The following CCDC27 variants were observed in gnomAD, a reference collection of about 807,000 sequenced individuals.
The protein encoded by CCDC27 is coiled-coil domain containing 27, also known as coiled-coil domain-containing protein 27.
A neutral mutation model predicts 80.3 loss-of-function variants in CCDC27; 80 were observed. The ratio of observed to expected loss-of-function variants is 1.00; its 90% CI spans 0.83 to 1.20. The LOEUF is 1.20. CCDC27 is among the 50% of genes most tolerant of loss of function. The probability of loss-of-function intolerance (pLI) is 0.00; values close to 1 mark genes in which losing one functional copy is unlikely to be tolerated. For missense variants in CCDC27, 815 were observed against 809.4 expected (o/e 1.01, Z -0.08); for synonymous variants, 342 against 334.3 (o/e 1.02, Z -0.25).
At chr1:3,758,227 G>A (rs937352858) in intron 4 of CCDC27, among the ~76,000 whole-genome samples, 1 of 152,090 alleles carries the variant, frequency 6.6e-6, no homozygotes, top group East Asian at 1.9e-4. Context: ...GTCTCTCTCT[G>A]TTGCCAGGCT....
chr1:3,754,096 CTT>C lies in CCDC27; in HGVS notation c.319-21_319-20del. On this transcript the variant is annotated intron_variant, in intron 1 of 11. Transcript: ENST00000294600. ...ACAGTCAGGGGCCTTCCTTGTCTGT[CTT>C]ACTTTCCCCGCTCTGCCAGAGTGAA... 6.2e-7 allele frequency: 1 copy of C among 1,610,618 alleles called. No homozygotes were observed. Among genetic ancestry groups the C allele is most frequent in the Non-Finnish European group, 8.5e-7 (1 of 1,178,264 alleles).
intron 1 of CCDC27, among the ~76,000 whole-genome samples, chr1:3,753,803 G>A (rs182300216): frequency 3.9e-5 from 6 of 152,218 alleles, no homozygotes; most frequent in Middle Eastern, 3.4e-3. Flanking sequence ...GGGTGGGGTC[G>A]GGGGGCCTGT....
intron 8 of CCDC27, among the ~76,000 whole-genome samples, chr1:3,765,419 T>C (rs1480418299): frequency 2.0e-5 from 3 of 152,216 alleles, no homozygotes; most frequent in African/African-American, 7.2e-5. Flanking sequence ...TTATTGTTTT[T>C]TTATGGCCTT....
chr1:3,770,759 GGA>G (rs766532458), intron 11 of CCDC27, among the ~76,000 whole-genome samples: 1 of 152,202 alleles, frequency 6.6e-6, no homozygotes, highest in Non-Finnish European at 1.5e-5. Flanking sequence ...GCTGTAATGT[GGA>G]GAGAGGTCTC....
chr1:3,763,073 A>T lies in CCDC27; in HGVS notation c.955-35A>T. On this transcript the variant is annotated intron_variant, in intron 6 of 11. Transcript: ENST00000294600. This position sits in a 1 kb window ranked among gnomAD's most constrained non-coding sequence, Gnocchi z 7.5. ...GCCCTCTGCCCTGGGGGTGCCCCGCAGCCCTGCCCAGCCCCTGCCCTACCC... is the reference window on the plus strand; with the variant it reads ...GCCCTCTGCCCTGGGGGTGCCCCGCTGCCCTGCCCAGCCCCTGCCCTACCC... 6.9e-7 allele frequency: 1 copy of T among 1,454,528 alleles called. No individual in the cohort carries two copies. Among genetic ancestry groups the T allele is most frequent in the Non-Finnish European group, 9.1e-7 (1 of 1,102,106 alleles). The allele number at this position is 1,454,528 out of a possible 1,614,324, so 90.1% of individuals were successfully genotyped here.
intron 4 of CCDC27, among the ~76,000 whole-genome samples, chr1:3,757,633 G>T (rs564756373): frequency 2.0e-5 from 3 of 152,136 alleles, no homozygotes; most frequent in South Asian, 2.1e-4. Flanking sequence ...TAGAAATGGG[G>T]TTTCCCCGGC....
At chr1:3,755,693 C>T in intron 3 of CCDC27, 126 bp downstream of exon 3, 1 of 807,090 alleles carries the variant, frequency 1.2e-6, no homozygotes, top group East Asian at 2.5e-5. Flanking sequence ...CCTGAGGACT[C>T]ACACAGAAAG....
chr1:3,759,078 G>A (rs1044603522), intron 4 of CCDC27, among the ~76,000 whole-genome samples: 3 of 151,850 alleles, frequency 2.0e-5, no homozygotes, highest in Non-Finnish European at 4.4e-5. Context: ...ATAGCTGGAC[G>A]TGGTGGCAGG....
intron 11 of CCDC27, among the ~76,000 whole-genome samples, chr1:3,770,168 C>T (rs115253882): frequency 0.012 from 1,864 of 152,292 alleles, 13 homozygotes; most frequent in Middle Eastern, 0.037. Context: ...CCATCCTGAG[C>T]GCTGTGGAGA....
In CCDC27 at chr1:3,761,880, T is replaced by C. The variant is rs1233791001; in HGVS notation, c.861+450T>C. Among the ~76,000 whole-genome samples the C allele has an allele frequency of 6.6e-6, 1 of 151,952 alleles. No individual in the cohort carries two copies. The highest frequency in any genetic ancestry group is 1.5e-5 in the Non-Finnish European group (1 of 67,984). On this transcript the variant is annotated intron_variant, in intron 5 of 11. Transcript: ENST00000294600. This position sits in a 1 kb window ranked among gnomAD's most constrained non-coding sequence, Gnocchi z 5.0. ...TCCCCGGGCCTGGCTCTGTGCATCATCTGCAGTGGTAGCTTGTATTACCCT... is the reference window on the plus strand; with the variant it reads ...TCCCCGGGCCTGGCTCTGTGCATCACCTGCAGTGGTAGCTTGTATTACCCT...
intron 3 of CCDC27, 25 bp downstream of exon 3, chr1:3,755,592 C>A (rs4648555): frequency 0.23 from 368,903 of 1,579,978 alleles, 45,389 homozygotes; most frequent in Middle Eastern, 0.27. Context: ...AGGGCCTCTG[C>A]CTGCACCTGC....
At chr1:3,759,029 T>C (rs1643026656) in intron 4 of CCDC27, among the ~76,000 whole-genome samples, 1 of 150,224 alleles carries the variant, frequency 6.7e-6, no homozygotes, top group Non-Finnish European at 1.5e-5. Flanking sequence ...GCCAACATAG[T>C]GAAACCTCAT....
intron 2 of CCDC27, among the ~76,000 whole-genome samples, chr1:3,755,213 G>A (rs532371155): frequency 5.3e-5 from 8 of 152,308 alleles, no homozygotes; most frequent in Non-Finnish European, 1.0e-4. Flanking sequence ...CTGCCCCTCC[G>A]GGGGAAAGGG....
rs761849296 is a variant in CCDC27, at chr1:3,767,342, T to C, written c.1640T>C (p.Leu547Pro). 1 of 1,613,924 alleles carries C rather than the reference T, an allele frequency of 6.2e-7. No homozygotes were observed. The highest frequency in any genetic ancestry group is 8.5e-7 in the Non-Finnish European group (1 of 1,180,048). Residue 547 changes from leucine to proline, a missense_variant, in exon 10 of 12, where the codon CTG (leucine) becomes CCG (proline). Coordinates refer to ENST00000294600, the MANE Select transcript of CCDC27 (RefSeq NM_152492.3). ...CAGGTGGAACTGGACCAGAACCACC[T>C]GCAGAGGTGGAAGCAGCTGCAGGAG... ...QEQVELDQNH[L>P]QRWKQLQEDL...
At chr1:3,762,016 C>T (rs1361024600) in intron 5 of CCDC27, among the ~76,000 whole-genome samples, 1 of 152,094 alleles carries the variant, frequency 6.6e-6, no homozygotes, top group East Asian at 1.9e-4. Flanking sequence ...GGTGGGGATG[C>T]TACCCCACCT....
intron 4 of CCDC27, among the ~76,000 whole-genome samples, chr1:3,759,133 C>T (rs550542560): frequency 1.3e-5 from 2 of 151,884 alleles, no homozygotes; most frequent in South Asian, 4.2e-4. Flanking sequence ...AGGAGAATCA[C>T]TTGAATCCAG....
At chr1:3,757,065 C>A in intron 4 of CCDC27, 175 bp downstream of exon 4, 2 of 671,484 alleles carry the variant, frequency 3.0e-6, no homozygotes, top group Non-Finnish European at 4.9e-6. Context: ...GCTCCTCACC[C>A]CTGTCCATCC....
rs971167222 is a variant in CCDC27 at position 3,769,239 on chromosome 1, A to T, written c.1744-544A>T. ...ACAGGCAGACAAGGATCTTCATGGC[A>T]GCAGAAGACGAGAACGCCTTCTGGG... is the stretch of plus-strand genomic sequence containing the variant. On this transcript the variant is annotated intron_variant, in intron 10 of 11. Coordinates refer to ENST00000294600, the MANE Select transcript of CCDC27 (RefSeq NM_152492.3). This position sits in a 1 kb window ranked among gnomAD's most constrained non-coding sequence, Gnocchi z 4.6. Among the ~76,000 whole-genome samples the T allele has an allele frequency of 6.6e-6, 1 of 152,144 alleles. No individual in the cohort carries two copies. The highest frequency in any genetic ancestry group is 1.5e-5 in the Non-Finnish European group (1 of 68,012).
At position 3,763,563 on chromosome 1, in the gene CCDC27, C is replaced by A; in HGVS notation, c.1321+89C>A. ...ACGCCCAGACGCTGCCTGCTCTGGT[C>A]AGTGAGCTGGAGCAGGGGCAGGTGT... On this transcript the variant is annotated intron_variant, in intron 7 of 11. Coordinates refer to ENST00000294600, the MANE Select transcript of CCDC27 (RefSeq NM_152492.3). The surrounding 1 kb of genome is among the most constrained non-coding windows in gnomAD (Gnocchi z 7.5). 2 of 1,550,408 alleles carry A rather than the reference C, an allele frequency of 1.3e-6. No homozygotes were observed. Among genetic ancestry groups the A allele is most frequent in the South Asian group, 2.5e-5 (2 of 80,782 alleles).
Sources: allele counts gnomAD v4.1 joint callset (sites outside exome capture counted in the v4.1 genomes callset), GRCh38; gene constraint gnomAD v4.1.1; non-coding constraint Gnocchi (gnomAD v3.1); transcripts MANE v1.5; gene names NCBI Gene and HGNC (gene_info 2026-07-23, HGNC 2026-07-21).